Variants in BANK1 observed in about 807,000 individuals in gnomAD.
The protein encoded by BANK1 is B cell scaffold protein with ankyrin repeats 1, also known as B-cell scaffold protein with ankyrin repeats.
Under a neutral mutation model 94.5 loss-of-function variants are expected in BANK1, and 95 were observed. The observed-to-expected ratio is 1.00, with a 90% CI of 0.85 to 1.19. The LOEUF (loss-of-function observed/expected upper bound fraction) is 1.19. Ranked by LOEUF, BANK1 falls within the 50% of genes most tolerant of loss-of-function variation. The probability of loss-of-function intolerance (pLI) is 0.00; values close to 1 mark genes in which losing one functional copy is unlikely to be tolerated. For synonymous variants in BANK1, 334 were observed against 308.4 expected (o/e 1.08, Z -0.87); for missense variants, 987 against 932.2 (o/e 1.06, Z -0.77).
chr4:101,988,837 G>A (rs2851320), intron 7 of BANK1, among the ~76,000 whole-genome samples: 41,868 of 151,738 alleles, frequency 0.28, 7,607 homozygotes, highest in Non-Finnish European at 0.39. Flanking sequence ...ATATTAATTG[G>A]CTCTGAAAAT....
At chr4:101,990,807 A>C (rs1167721444) in intron 7 of BANK1, among the ~76,000 whole-genome samples, 1 of 152,146 alleles carries the variant, frequency 6.6e-6, no homozygotes, top group Non-Finnish European at 1.5e-5. Context: ...AATTTAGGCA[A>C]ATTATTTATC....
In BANK1 at chr4:102,071,275, A is replaced by G; in HGVS notation, c.2213A>G (p.Asn738Ser). 3 of 1,613,908 alleles carry G rather than the reference A, an allele frequency of 1.9e-6. No homozygotes were observed. The highest frequency in any genetic ancestry group is 1.7e-4 in the Middle Eastern group (1 of 6,056). Residue 738 changes from asparagine (N) to serine (S), a missense_variant and splice_region_variant, in exon 14 of 17, where the codon AAT (asparagine) becomes AGT (serine). Coordinates refer to ENST00000322953, the MANE Select transcript of BANK1 (RefSeq NM_017935.5). ...GAACATGCTTTTTTTTGTCTTCCAG[A>G]TAAACTCACCATTGTGCACCATCCA... is the stretch of plus-strand genomic sequence containing the variant. Reference protein sequence around the residue: ...GKRPEEENVYNKLTIVHHPGG... With the variant: ...GKRPEEENVYSKLTIVHHPGG...
chr4:101,792,269 G>GCCCCT (rs1289704270), intron 1 of BANK1, among the ~76,000 whole-genome samples: 3 of 62,012 alleles, frequency 4.8e-5, no homozygotes, highest in African/African-American at 1.7e-4. Context: ...CCCCCGCCCC[G>GCCCCT]CCCCTCCCAA....
At chr4:102,065,715 T>A (rs1728568124) in intron 13 of BANK1, among the ~76,000 whole-genome samples, 1 of 150,802 alleles carries the variant, frequency 6.6e-6, no homozygotes, top group African/African-American at 2.4e-5. Flanking sequence ...GAAAAAAAAA[T>A]GAAACTATAT....
chr4:101,871,432 A>G (rs1728282902), intron 5 of BANK1, among the ~76,000 whole-genome samples: 2 of 152,268 alleles, frequency 1.3e-5, no homozygotes, highest in South Asian at 4.1e-4. Flanking sequence ...AAAACTGTCA[A>G]TGATAATGTA....
chr4:101,924,986 T>C (rs1192821075), intron 7 of BANK1, among the ~76,000 whole-genome samples: 3 of 151,718 alleles, frequency 2.0e-5, no homozygotes, highest in South Asian at 2.1e-4. Flanking sequence ...AAATAACTTA[T>C]TGTTAAAAAT....
chr4:101,981,547 A>G (rs1035645312), intron 7 of BANK1, among the ~76,000 whole-genome samples: 1 of 152,082 alleles, frequency 6.6e-6, no homozygotes, highest in Non-Finnish European at 1.5e-5. Flanking sequence ...GAAATCATTG[A>G]TGATTTTAGC....
At chr4:101,973,456 A>C (rs1231505782) in intron 7 of BANK1, among the ~76,000 whole-genome samples, 1 of 152,096 alleles carries the variant, frequency 6.6e-6, no homozygotes, top group Admixed American at 6.6e-5. Flanking sequence ...GTTGAAATGT[A>C]AACATGACTG....
chr4:101,870,400 A>G, intron 4 of BANK1, 105 bp from the exon 5 acceptor site: 1 of 1,052,538 alleles, frequency 9.5e-7, no homozygotes, highest in Non-Finnish European at 1.3e-6. Flanking sequence ...AGATGAGTAA[A>G]AGTGTTATGA....
intron 7 of BANK1, among the ~76,000 whole-genome samples, chr4:102,016,257 A>G (rs892664914): frequency 6.6e-6 from 1 of 152,122 alleles, no homozygotes; most frequent in African/African-American, 2.4e-5. Flanking sequence ...TGCCTAATCT[A>G]TATTGTTTGT....
chr4:101,815,187 C>T (rs936233647), intron 1 of BANK1, among the ~76,000 whole-genome samples: 2 of 151,970 alleles, frequency 1.3e-5, no homozygotes, highest in Non-Finnish European at 2.9e-5. Context: ...CACAGGAGAC[C>T]CCGGACCATA....
chr4:101,985,967 G>A (rs567566126), intron 7 of BANK1, among the ~76,000 whole-genome samples: 81 of 152,170 alleles, frequency 5.3e-4, no homozygotes, highest in Non-Finnish European at 7.4e-4. Flanking sequence ...ACTGCATTCC[G>A]AAAGCATTAA....
chr4:102,007,686 A>G (rs1049611818), intron 7 of BANK1, among the ~76,000 whole-genome samples: 3 of 152,134 alleles, frequency 2.0e-5, no homozygotes, highest in African/African-American at 4.8e-5. Flanking sequence ...AAACGGTAAC[A>G]TGTTCTAGAA....
In BANK1 at chr4:101,809,433, A is replaced by C. The variant is rs545969859; in HGVS notation, c.70+18483A>C. On this transcript the variant is annotated intron_variant, in intron 1 of 16. Coordinates refer to ENST00000322953, the MANE Select transcript of BANK1 (RefSeq NM_017935.5). ...GGTGATGGATGCACCAAAACCACTAAAGAACTTCTCCATGTAACCAAAAAC... is the reference window on the plus strand; with the variant it reads ...GGTGATGGATGCACCAAAACCACTACAGAACTTCTCCATGTAACCAAAAAC... Among the ~76,000 whole-genome samples the C allele has an allele frequency of 1.6e-4, 25 of 152,224 alleles. No individual in the cohort carries two copies. The South Asian group carries it at 5.0e-3, about 30-fold the overall frequency.
At chr4:101,879,283 A>T (rs923624037) in intron 5 of BANK1, among the ~76,000 whole-genome samples, 1 of 152,100 alleles carries the variant, frequency 6.6e-6, no homozygotes, top group African/African-American at 2.4e-5. Context: ...TACAACCAAT[A>T]CCTAGAAATC....
chr4:101,849,083 A>G (rs774658063), intron 2 of BANK1, among the ~76,000 whole-genome samples: 7 of 152,198 alleles, frequency 4.6e-5, no homozygotes, highest in Non-Finnish European at 1.0e-4. Context: ...AGTTACATGT[A>G]AAAACCTGTA....
chr4:101,863,139 A>T (rs1727943073), intron 4 of BANK1, among the ~76,000 whole-genome samples: 1 of 151,924 alleles, frequency 6.6e-6, no homozygotes, highest in African/African-American at 2.4e-5. Flanking sequence ...TGTACATATA[A>T]TCTTCTCATC....
chr4:101,799,604 G>T (rs1179001704), intron 1 of BANK1, among the ~76,000 whole-genome samples: 1 of 152,184 alleles, frequency 6.6e-6, no homozygotes, highest in African/African-American at 2.4e-5. Context: ...GCCGGGCCTG[G>T]TGGCTCATGC....
intron 2 of BANK1, among the ~76,000 whole-genome samples, chr4:101,844,661 A>G (rs1311929080): frequency 6.6e-6 from 1 of 152,232 alleles, no homozygotes; most frequent in African/African-American, 2.4e-5. Context: ...TAACTTTTTA[A>G]AAACTCAATT....
Sources: gnomAD v4.1 joint callset for allele counts (sites outside exome capture counted in the v4.1 genomes callset) on GRCh38, gnomAD v4.1.1 for gene constraint, MANE v1.5 for transcripts, NCBI Gene and HGNC (gene_info 2026-07-23, HGNC 2026-07-21) for gene names.